The following EVI5 variants were observed in gnomAD, a reference collection of about 807,000 sequenced individuals.
EVI5 encodes ecotropic viral integration site 5 protein homolog.
A neutral mutation model predicts 112.0 loss-of-function variants in EVI5; 73 were observed. The ratio of observed to expected loss-of-function variants is 0.65; its 90% CI spans 0.54 to 0.79. The LOEUF is 0.79. Among genes scored for constraint, EVI5 ranks in the 30% least tolerant of loss-of-function variants. The pLI, the probability that EVI5 is intolerant of heterozygous loss-of-function variation, is 0.00. For missense variants in EVI5, 900 were observed against 968.8 expected (o/e 0.93, Z 0.94); for synonymous variants, 305 against 319.9 (o/e 0.95, Z 0.50).
rs1274325970 is a variant in EVI5 at position 92,697,919 on chromosome 1, A to C, written c.706T>G (p.Phe236Val). The C allele has an allele frequency of 6.2e-7, 1 of 1,613,008 alleles. No homozygotes were observed. Among genetic ancestry groups the C allele is most frequent in the Non-Finnish European group, 8.5e-7 (1 of 1,179,136 alleles). The change falls in exon 6 of 20, where the codon TTT (phenylalanine) becomes GTT (valine). Residue 236 changes from phenylalanine (F) to valine (V), a missense_variant. Physicochemically the swap from Phe to Val is conservative, Grantham distance 50. Transcript: ENST00000684568. Reference sequence around the variant, plus strand: ...CCCAATTCTGCCATACTTGGTTTAAAAAGTTCACGAAGTCTATAATCTTGC... The same window carrying C: ...CCCAATTCTGCCATACTTGGTTTAACAAGTTCACGAAGTCTATAATCTTGC... ...LMQDYRLREL[F>V]KPSMAELGLC...
Position 92,728,186 on chromosome 1 carries a change from A to G in EVI5, c.149+8212T>C, listed in dbSNP as rs540460191. 3.9e-5 allele frequency among the ~76,000 whole-genome samples: 6 copies of G among 152,296 alleles called. No individual in the cohort carries two copies. The South Asian group carries it at 8.3e-4, about 21-fold the overall frequency. On this transcript the variant is annotated intron_variant, in intron 2 of 19. Transcript: ENST00000684568. Reference sequence around the variant, plus strand: ...TTTACAAGAGGATATAACAATCCTAAATGTTTATATACCTAAAATAGAACT... The same window carrying G: ...TTTACAAGAGGATATAACAATCCTAGATGTTTATATACCTAAAATAGAACT...
At chr1:92,545,849 T>C (rs1461754849) in intron 19 of EVI5, among the ~76,000 whole-genome samples, 1 of 152,018 alleles carries the variant, frequency 6.6e-6, no homozygotes, top group Non-Finnish European at 1.5e-5. Flanking sequence ...CAGTCTCCTT[T>C]ATGAAATCTT....
At position 92,776,977 on chromosome 1, in the gene EVI5, T is replaced by C. The variant is rs565468219; in HGVS notation, c.-82+7859A>G. ...GCCACCACGCCTGGCTAATTTTTTG[T>C]ATTTTTAGTAGAGACGGGGTTTCAC... On this transcript the variant is annotated intron_variant, in intron 1 of 19. Coordinates refer to ENST00000684568, the MANE Select transcript of EVI5 (RefSeq NM_001350197.2). Among the ~76,000 whole-genome samples, 187 of 152,266 alleles carry C rather than the reference T, an allele frequency of 1.2e-3. 1 individual carries two copies. The highest frequency in any genetic ancestry group is 4.4e-3 in the African/African-American group (184 of 41,540).
At chr1:92,692,544 A>C (rs192062674) in intron 9 of EVI5, among the ~76,000 whole-genome samples, 1 of 152,194 alleles carries the variant, frequency 6.6e-6, no homozygotes, top group African/African-American at 2.4e-5. Context: ...TGCTTTTGTC[A>C]ATTAGAGCTA....
At chr1:92,628,428 A>G (rs1181331222) in intron 14 of EVI5, among the ~76,000 whole-genome samples, 1 of 152,194 alleles carries the variant, frequency 6.6e-6, no homozygotes, top group African/African-American at 2.4e-5. Flanking sequence ...GGGTTTTTCC[A>G]ATGTTATCTT....
intron 14 of EVI5, among the ~76,000 whole-genome samples, chr1:92,628,046 C>T (rs1656069870): frequency 6.6e-6 from 1 of 152,164 alleles, no homozygotes; most frequent in Non-Finnish European, 1.5e-5. Context: ...CCTCGGCCTC[C>T]CAAAGGGCTG....
At chr1:92,612,704 C>A (rs1652130449) in intron 16 of EVI5, among the ~76,000 whole-genome samples, 2 of 70,254 alleles carry the variant, frequency 2.8e-5, no homozygotes, top group African/African-American at 5.8e-5. Context: ...AATAAGACTC[C>A]ATCTCAAAAA....
rs1402834229 is a variant in EVI5 at position 92,513,931 on chromosome 1, G to A, written c.2206C>T (p.Pro736Ser). 9 of 1,588,742 alleles carry A rather than the reference G, an allele frequency of 5.7e-6. No homozygotes were observed. Among genetic ancestry groups the A allele is most frequent in the Non-Finnish European group, 7.7e-6 (9 of 1,164,108 alleles). ...LKGQRGFSGQPPFDGIHIVNH... is the reference protein window; with the variant it reads ...LKGQRGFSGQSPFDGIHIVNH... ...ACAATGTGGATTCCATCAAAAGGAG[G>A]TTGGCCTGAGAAGCCCCTCTGGCCT... is the stretch of plus-strand genomic sequence containing the variant. The change falls in exon 20 of 20, where the codon CCT becomes TCT. Residue 736 changes from proline to serine, a missense_variant. Transcript: ENST00000684568.
intron 14 of EVI5, among the ~76,000 whole-genome samples, chr1:92,634,522 A>G (rs1658288848): frequency 6.6e-6 from 1 of 152,076 alleles, no homozygotes; most frequent in Non-Finnish European, 1.5e-5. Flanking sequence ...CGTGGTTTTC[A>G]GCTCCATCAG....
chr1:92,705,250 T>C (rs1671783831), intron 2 of EVI5, among the ~76,000 whole-genome samples: 1 of 152,232 alleles, frequency 6.6e-6, no homozygotes, highest in African/African-American at 2.4e-5. Flanking sequence ...AAAGTATTTA[T>C]TTGGCCTATG....
chr1:92,565,089 C>T (rs779093299), intron 18 of EVI5, among the ~76,000 whole-genome samples: 3 of 152,138 alleles, frequency 2.0e-5, no homozygotes, highest in African/African-American at 4.8e-5. Context: ...AGCTCTGATC[C>T]GGAGCCATCT....
intron 18 of EVI5, among the ~76,000 whole-genome samples, chr1:92,572,104 C>G (rs1180819124): frequency 1.3e-5 from 2 of 152,088 alleles, no homozygotes; most frequent in Non-Finnish European, 2.9e-5. Flanking sequence ...ACCATTACAA[C>G]GTCCATACAA....
chr1:92,788,330 C>T (rs1311996746), upstream of EVI5, among the ~76,000 whole-genome samples: 1 of 151,446 alleles, frequency 6.6e-6, no homozygotes, highest in Non-Finnish European at 1.5e-5. Context: ...AAAAATTAGC[C>T]GGGCATGGTG....
chr1:92,770,164 G>A (rs1683171021), intron 1 of EVI5, among the ~76,000 whole-genome samples: 1 of 152,132 alleles, frequency 6.6e-6, no homozygotes, highest in Non-Finnish European at 1.5e-5. Context: ...TTAACCCAGT[G>A]AAACATTTTG....
chr1:92,563,501 C>G, intron 19 of EVI5, 141 bp downstream of exon 19: 2 of 455,472 alleles, frequency 4.4e-6, no homozygotes, highest in Non-Finnish European at 7.8e-6. Context: ...AGACAATTTT[C>G]AAAAATGTTA....
chr1:92,546,164 T>C (rs1030401659), intron 19 of EVI5, among the ~76,000 whole-genome samples: 1 of 152,122 alleles, frequency 6.6e-6, no homozygotes, highest in Non-Finnish European at 1.5e-5. Context: ...ATCAAGAAAC[T>C]GAGGCATGGC....
At chr1:92,547,317 C>A (rs1171927002) in intron 19 of EVI5, among the ~76,000 whole-genome samples, 3 of 152,138 alleles carry the variant, frequency 2.0e-5, no homozygotes, top group Admixed American at 1.3e-4. Context: ...AAAGACACAA[C>A]ATACCAGAAT....
In EVI5 at chr1:92,654,087, C is replaced by G. The variant is rs543442099; in HGVS notation, c.1392+8632G>C. Among the ~76,000 whole-genome samples, 277 of 152,166 alleles carry G rather than the reference C, an allele frequency of 1.8e-3. 2 individuals are homozygous for G. Among genetic ancestry groups the G allele is most frequent in the Non-Finnish European group, 3.1e-3 (211 of 68,004 alleles). The stretch of plus-strand genomic sequence containing the variant: ...CAAGGGCCGGCTTGGCTGTCCATCT[C>G]TGCCCTGACTTGTCCCCTGCTAGGG... On this transcript the variant is annotated intron_variant, in intron 13 of 19. Transcript: ENST00000684568.
At chr1:92,546,894 T>C (rs1665806369) in intron 19 of EVI5, among the ~76,000 whole-genome samples, 1 of 152,036 alleles carries the variant, frequency 6.6e-6, no homozygotes, top group Non-Finnish European at 1.5e-5. Flanking sequence ...CACACAATAA[T>C]AATGAGAGAC....
Sources: allele counts gnomAD v4.1 joint callset (sites outside exome capture counted in the v4.1 genomes callset), GRCh38; gene constraint gnomAD v4.1.1; transcripts MANE v1.5; gene names NCBI Gene and HGNC (gene_info 2026-07-23, HGNC 2026-07-21).